The following DNAH10 variants were observed in gnomAD, a reference collection of about 807,000 sequenced individuals.
DNAH10 encodes dynein axonemal heavy chain 10.
Under a neutral mutation model 506.6 loss-of-function variants are expected in DNAH10, and 348 were observed. The ratio of observed to expected loss-of-function variants is 0.69; its 90% CI spans 0.63 to 0.75. The LOEUF (loss-of-function observed/expected upper bound fraction) is 0.75, where lower values mean the gene tolerates loss of function less well. DNAH10 is among the 30% of genes least tolerant of loss of function. DNAH10 has a pLI of 0.00. For synonymous variants in DNAH10, 2,059 were observed against 2,198.6 expected, an observed-to-expected ratio of 0.94 and a Z score of 1.78; for missense variants, 5,179 against 5,787.1, an observed-to-expected ratio of 0.89 and a Z score of 3.41.
At chr12:123,855,721 A>G (rs984207644) in intron 36 of DNAH10, among the ~76,000 whole-genome samples, 8 of 150,858 alleles carry the variant, frequency 5.3e-5, no homozygotes, top group African/African-American at 1.5e-4. Context: ...GTAATAAGGA[A>G]CCTTTGCTTT....
chr12:123,896,148 C>CACACACACACATAGAG (rs1383690518), intron 54 of DNAH10, among the ~76,000 whole-genome samples: 1 of 95,272 alleles, frequency 1.0e-5, no homozygotes. Flanking sequence ...CACACACACA[C>CACACACACACATAGAG]AGAGAGAGAG....
chr12:123,883,956 T>A (rs951742285), intron 51 of DNAH10, among the ~76,000 whole-genome samples: 1 of 152,180 alleles, frequency 6.6e-6, no homozygotes, highest in African/African-American at 2.4e-5. Flanking sequence ...AACCTTTTGA[T>A]AAGTCCACCT....
chr12:123,877,394 C>T (rs1213868170), intron 47 of DNAH10, among the ~76,000 whole-genome samples: 3 of 152,142 alleles, frequency 2.0e-5, no homozygotes, highest in African/African-American at 4.8e-5. Context: ...TCACTGCAAC[C>T]TCCGCCTCCT....
At chr12:123,838,414 C>G (rs1166212254) in intron 28 of DNAH10, 42 bp from the exon 29 acceptor site, 1 of 1,559,560 alleles carries the variant, frequency 6.4e-7, no homozygotes, top group Non-Finnish European at 8.7e-7. Context: ...CTCCGCTCTC[C>G]CTGCTCACCC....
chr12:123,767,784 CT>C, intron 2 of DNAH10, 95 bp downstream of exon 2: 10 of 1,027,454 alleles, frequency 9.7e-6, no homozygotes, highest in Non-Finnish European at 1.3e-5. Context: ...ATCAGTTGTA[CT>C]TTCACTGGGT....
In DNAH10 at chr12:123,930,554, T is replaced by C. The variant is rs756157338; in HGVS notation, c.12765T>C (p.Asp4255=). 6 of 1,604,442 alleles carry C rather than the reference T, an allele frequency of 3.7e-6. No individual in the cohort carries two copies. The highest frequency in any genetic ancestry group is 5.1e-6 in the Non-Finnish European group (6 of 1,177,648). Residue 4255 remains aspartate, a synonymous_variant, in exon 73 of 79, where the codon GAT becomes GAC. Transcript: ENST00000673944. ...TGGACTACAAAATCCCTGTTGGTGATGAAAAGGAGAAATTTGTTGGTGAGA... is the reference window on the plus strand; with the variant it reads ...TGGACTACAAAATCCCTGTTGGTGACGAAAAGGAGAAATTTGTTGGTGAGA... ...KEVDYKIPVG[D]EKEKFVEAIE... is the part of the protein sequence containing the mutation.
At chr12:123,797,823 C>T (rs1958337619) in intron 13 of DNAH10, among the ~76,000 whole-genome samples, 1 of 152,190 alleles carries the variant, frequency 6.6e-6, no homozygotes, top group South Asian at 2.1e-4. Context: ...TATGATCTCA[C>T]CCCCCACCCA....
rs533854554 is a variant in DNAH10 at position 123,767,973 on chromosome 12, G to A, written c.298+284G>A. ...CTGGCAGGGCTGCGCTCCCTCTGCA[G>A]GACCAAGGGGAGGATCCTTCCTAGC... On this transcript the variant is annotated intron_variant, in intron 2 of 78. Transcript: ENST00000673944. Among the ~76,000 whole-genome samples the A allele has an allele frequency of 2.6e-5, 4 of 152,308 alleles. No individual in the cohort carries two copies. The South Asian group carries it at 8.3e-4, about 32-fold the overall frequency.
At chr12:123,770,640 A>G (rs1566314461) in intron 2 of DNAH10, among the ~76,000 whole-genome samples, 2 of 152,080 alleles carry the variant, frequency 1.3e-5, no homozygotes. Context: ...GGTAGATGTT[A>G]CTGTCCCATT....
chr12:123,796,520 C>G (rs1052289327), intron 12 of DNAH10, 136 bp from the exon 13 acceptor site: 1 of 725,712 alleles, frequency 1.4e-6, no homozygotes, highest in African/African-American at 1.8e-5. Context: ...AATAAGTAAA[C>G]AGTGAAAACA....
intron 13 of DNAH10, among the ~76,000 whole-genome samples, 163 bp from the exon 14 acceptor site, chr12:123,799,083 C>T (rs981557498): frequency 6.7e-5 from 9 of 133,476 alleles, no homozygotes; most frequent in Non-Finnish European, 1.1e-4. Flanking sequence ...CCAGCCTGGG[C>T]GACAGAGTGA....
At chr12:123,886,701 G>A (rs1952750434) in intron 51 of DNAH10, among the ~76,000 whole-genome samples, 2 of 152,146 alleles carry the variant, frequency 1.3e-5, no homozygotes, top group Admixed American at 1.3e-4. Flanking sequence ...GTCGCTGGTT[G>A]CAATGAAAGT....
At chr12:123,881,920 T>A in intron 51 of DNAH10, 107 bp downstream of exon 51, 1 of 1,120,474 alleles carries the variant, frequency 8.9e-7, no homozygotes, top group Non-Finnish European at 1.2e-6. Flanking sequence ...CATGATGTTT[T>A]CATAGAGTAT....
chr12:123,883,747 A>C (rs1223197101), intron 51 of DNAH10, among the ~76,000 whole-genome samples: 1 of 152,210 alleles, frequency 6.6e-6, no homozygotes, highest in Non-Finnish European at 1.5e-5. Context: ...ACGTTTCTGC[A>C]TTGCTTGAAT....
Position 123,887,159 on chromosome 12 carries a change from G to A in DNAH10, c.8841G>A (p.Leu2947=). ...CATCGCAGGTGTTTGAGATCCTGCT[G>A]AGCCGAGGCTACTCGGAGAACAGTT... ...TASCEVFEIL[L]SRGYSENSFR... is the part of the protein sequence containing the mutation. Residue 2947 remains leucine, a synonymous_variant, in exon 52 of 79, where the codon CTG becomes CTA. Transcript: ENST00000673944. 6.2e-7 allele frequency: 1 copy of A among 1,609,472 alleles called. No individual in the cohort carries two copies. Among genetic ancestry groups the A allele is most frequent in the Non-Finnish European group, 8.5e-7 (1 of 1,177,850 alleles).
chr12:123,859,079 G>A, intron 37 of DNAH10, 71 bp from the exon 38 acceptor site: 1 of 1,353,224 alleles, frequency 7.4e-7, no homozygotes, highest in South Asian at 1.3e-5. Flanking sequence ...TGGCGTGTGT[G>A]TTGTATCGCA....
rs2135934956 is a variant in DNAH10 at position 123,762,445 on chromosome 12, G to A, written c.109G>A (p.Glu37Lys). The change falls in exon 1 of 79, where the codon GAG (glutamate) becomes AAG (lysine). Residue 37 changes from glutamate (E) to lysine (K), a missense_variant. Glu to Lys is a moderately conservative substitution (Grantham distance 56, BLOSUM62 1). Coordinates refer to ENST00000673944, the MANE Select transcript of DNAH10 (RefSeq NM_001372106.1). The surrounding 1 kb of genome is among the most constrained non-coding windows in gnomAD (Gnocchi z 5.0). ...DLLNRDDGQG[E>K]DLILHFLNQA... ...GCTCAACCGCGACGACGGCCAGGGC[G>A]AGGACCTCATCTTGCACTTCCTCAA... The A allele has an allele frequency of 1.4e-6, 2 of 1,469,808 alleles. No homozygotes were observed. Among genetic ancestry groups the A allele is most frequent in the East Asian group, 2.7e-5 (1 of 36,848 alleles). 91.0% of individuals were successfully genotyped at this position (1,469,808 alleles called of 1,614,324 possible). A position where few individuals can be genotyped will look rare whatever the true frequency, so the allele number is the denominator to read the frequency against.
At chr12:123,866,391 C>A (rs1951811404) in intron 41 of DNAH10, among the ~76,000 whole-genome samples, 1 of 151,394 alleles carries the variant, frequency 6.6e-6, no homozygotes, top group Non-Finnish European at 1.5e-5. Context: ...CTACAGGCGC[C>A]CGCCACCACG....
In DNAH10 at chr12:123,916,853, T is replaced by C. The variant is rs146323042; in HGVS notation, c.11002+117T>C. 3.5e-3 allele frequency: 4,455 copies of C among 1,279,302 alleles called. 16 individuals carry two copies. The highest frequency in any genetic ancestry group is 4.2e-3 in the Non-Finnish European group (3,951 of 947,858). The allele number at this position is 1,279,302 out of a possible 1,614,324, so 79.2% of individuals were successfully genotyped here. A position where few individuals can be genotyped will look rare whatever the true frequency, so the allele number is the denominator to read the frequency against. On this transcript the variant is annotated intron_variant, in intron 63 of 78. Transcript: ENST00000673944. This position sits in a 1 kb window ranked among gnomAD's most constrained non-coding sequence, Gnocchi z 4.6. ...TCAGTGACCCCAGATCATTCTCTCATAGGCACATCTGGACTAGTCAGCTCT... is the reference window on the plus strand; with the variant it reads ...TCAGTGACCCCAGATCATTCTCTCACAGGCACATCTGGACTAGTCAGCTCT...
Sources: allele counts gnomAD v4.1 joint callset (sites outside exome capture counted in the v4.1 genomes callset), GRCh38; gene constraint gnomAD v4.1.1; non-coding constraint Gnocchi (gnomAD v3.1); transcripts MANE v1.5; gene names NCBI Gene and HGNC (gene_info 2026-07-23, HGNC 2026-07-21).